The following NLRP7 variants were observed in gnomAD, a reference collection of about 807,000 sequenced individuals.
NLRP7 encodes the protein NLR family pyrin domain containing 7, also known as NACHT, LRR and PYD domains-containing protein 7.
Under a neutral mutation model 85.5 loss-of-function variants are expected in NLRP7, and 72 were observed. That is an observed-to-expected ratio of 0.84 (90% confidence interval 0.70 to 1.02). The LOEUF (loss-of-function observed/expected upper bound fraction) is 1.02. NLRP7 is among the 50% of genes least tolerant of loss of function. The pLI, the probability that NLRP7 is intolerant of heterozygous loss-of-function variation, is 0.00. For missense variants in NLRP7, 1,243 were observed against 1,219.5 expected, an observed-to-expected ratio of 1.02 and a Z score of -0.29; for synonymous variants, 550 against 505.2, an observed-to-expected ratio of 1.09 and a Z score of -1.19.
intron 9 of NLRP7, among the ~76,000 whole-genome samples, chr19:54,925,075 G>C (rs1264366736): frequency 6.6e-6 from 1 of 152,126 alleles, no homozygotes; most frequent in Non-Finnish European, 1.5e-5. Flanking sequence ...GTGAACATGA[G>C]GGGTGGTGAT....
chr19:54,962,663 G>C (rs1320269300), intron 1 of NLRP7, among the ~76,000 whole-genome samples: 1 of 150,616 alleles, frequency 6.6e-6, no homozygotes, highest in East Asian at 2.0e-4. Context: ...GCAGTGGCGC[G>C]ATCTCAGCTC....
exon 1 of NLRP7, chr19:54,947,471 C>T (rs1569541718): frequency 7.8e-7 from 1 of 1,289,700 alleles, no homozygotes; most frequent in East Asian, 5.6e-5. Flanking sequence ...GCACTCACCT[C>T]CCTCAGGTCA....
upstream of NLRP7, chr19:54,948,826 A>G (rs2069579531): frequency 2.0e-5 from 3 of 152,568 alleles, no homozygotes; most frequent in African/African-American, 7.2e-5. Context: ...GGCATGAGCC[A>G]CCGCACCTGG....
At chr19:54,927,579 A>T (rs1414354781) in intron 9 of NLRP7, 26 bp downstream of exon 10, 1 of 1,610,842 alleles carries the variant, frequency 6.2e-7, no homozygotes, top group South Asian at 1.1e-5. Context: ...CAAAAAACAA[A>T]ACAAAACAAA....
At chr19:54,933,729 A>T in exon 8 of NLRP7, 4 of 1,614,108 alleles carry the variant, frequency 2.5e-6, no homozygotes, top group African/African-American at 1.3e-5. Context: ...GTAAGACGAC[A>T]GTTTTCCAAC....
intron 1 of NLRP7, among the ~76,000 whole-genome samples, chr19:54,955,615 C>G (rs961137037): frequency 6.6e-6 from 1 of 152,114 alleles, no homozygotes; most frequent in African/African-American, 2.4e-5. Context: ...ATGGCGAAAC[C>G]CCATCTCTAC....
At chr19:54,929,983 C>T (rs1014606164) in intron 9 of NLRP7, among the ~76,000 whole-genome samples, 18 of 151,486 alleles carry the variant, frequency 1.2e-4, no homozygotes, top group African/African-American at 3.9e-4. Flanking sequence ...GGCACGGTGG[C>T]GGGCATCTGT....
At chr19:54,956,634 C>G (rs1259326331) in intron 1 of NLRP7, among the ~76,000 whole-genome samples, 2 of 150,448 alleles carry the variant, frequency 1.3e-5, no homozygotes, top group Admixed American at 1.3e-4. Context: ...GCGGAGGTTG[C>G]AGTGAGCTGA....
chr19:54,926,910 T>G (rs1170368029), intron 9 of NLRP7, among the ~76,000 whole-genome samples: 1 of 94,306 alleles, frequency 1.1e-5, no homozygotes, highest in Non-Finnish European at 2.1e-5. Context: ...AGAGAGACTC[T>G]GTCTTTAAAA....
At position 54,934,760 on chromosome 19, in the gene NLRP7, A is replaced by T. The variant is rs2068834188; in HGVS notation, c.2301-101T>A. On this transcript the variant is annotated intron_variant, in intron 6 of 9. Coordinates refer to ENST00000340844, the Ensembl canonical transcript of NLRP7. This position sits in a 1 kb window ranked among gnomAD's most constrained non-coding sequence, Gnocchi z 6.7. ...AGTTTCACTCTGTTGCCCAGTCTGG[A>T]ATGCAAAGGCGTGATCTCACCTCAC... 2.0e-5 allele frequency: 20 copies of T among 976,728 alleles called. 1 individual carries two copies. Among genetic ancestry groups the T allele is most frequent in the South Asian group, 8.4e-5 (5 of 59,468 alleles). The allele number at this position is 976,728 out of a possible 1,614,324, so 60.5% of individuals were successfully genotyped here. A position where few individuals can be genotyped will look rare whatever the true frequency, so the allele number is the denominator to read the frequency against.
upstream of NLRP7, among the ~76,000 whole-genome samples, chr19:54,951,328 C>T (rs1188471994): frequency 7.3e-6 from 1 of 137,558 alleles, no homozygotes; most frequent in African/African-American, 2.7e-5. Flanking sequence ...AGATGGATCA[C>T]TTAAGGTCAG....
chr19:54,962,719 C>G (rs2070094190), intron 1 of NLRP7, among the ~76,000 whole-genome samples: 1 of 151,602 alleles, frequency 6.6e-6, no homozygotes, highest in Non-Finnish European at 1.5e-5. Flanking sequence ...CCTGCCTCAG[C>G]CTCCCGAGTA....
In NLRP7 at chr19:54,947,014, A is replaced by G. The variant is rs774926806; in HGVS notation, c.-40+455T>C. Among the ~76,000 whole-genome samples the G allele has an allele frequency of 7.9e-5, 12 of 152,082 alleles. 1 individual carries two copies. Among genetic ancestry groups the G allele is most frequent in the Non-Finnish European group, 1.3e-4 (9 of 67,974 alleles). ...TCAATCTCCTGAACTCCTCTAAACT[A>G]TATTTGAATAGAAGTCCTTAAGACA... On this transcript the variant is annotated intron_variant, in intron 1 of 9. Transcript: ENST00000340844.
chr19:54,962,835 G>A (rs1324240203), intron 1 of NLRP7, among the ~76,000 whole-genome samples: 8 of 143,996 alleles, frequency 5.6e-5, no homozygotes, highest in Non-Finnish European at 7.7e-5. Context: ...TCCTGACCTC[G>A]TGATCCGCCC....
exon 4 of NLRP7, chr19:54,939,987 GCTT>G (rs754752835): frequency 2.7e-5 from 44 of 1,614,016 alleles, no homozygotes; most frequent in African/African-American, 6.7e-5. Flanking sequence ...ACGGGCACCG[GCTT>G]CTTCTTCTCC....
rs775873 is a variant in NLRP7, at chr19:54,929,651, G to C, written c.2810+848C>G. ...ACTGCTTCCTGATTACTGGATCCCA[G>C]CAGAAGCAGCATGCTGCTGAAGTCC... On this transcript the variant is annotated intron_variant, in intron 9 of 9. Transcript: ENST00000340844. 4.0e-3 allele frequency among the ~76,000 whole-genome samples: 612 copies of C among 152,248 alleles called. 2 individuals carry two copies. Among genetic ancestry groups the C allele is most frequent in the African/African-American group, 0.014 (590 of 41,566 alleles).
chr19:54,947,528 G>C (rs966243403), upstream of NLRP7: 14 of 1,289,636 alleles, frequency 1.1e-5, no homozygotes, highest in African/African-American at 2.0e-4. Context: ...CGGATAAAAA[G>C]GGGAGGTCTC....
At chr19:54,943,311 G>C (rs1236130653) in intron 1 of NLRP7, among the ~76,000 whole-genome samples, 4 of 151,182 alleles carry the variant, frequency 2.6e-5, no homozygotes, top group African/African-American at 9.7e-5. Flanking sequence ...TCAAAAGTAA[G>C]TAACTAATGG....
At chr19:54,960,770 A>T (rs1172792501) in intron 1 of NLRP7, among the ~76,000 whole-genome samples, 1 of 149,906 alleles carries the variant, frequency 6.7e-6, no homozygotes, top group African/African-American at 2.5e-5. Flanking sequence ...TAATTTTTTT[A>T]ATTTTTAGTA....
Sources: allele counts gnomAD v4.1 joint callset (sites outside exome capture counted in the v4.1 genomes callset), GRCh38; gene constraint gnomAD v4.1.1; non-coding constraint Gnocchi (gnomAD v3.1); transcripts MANE v1.5; gene names NCBI Gene and HGNC (gene_info 2026-07-23, HGNC 2026-07-21).